The following CHD8 variants were observed in gnomAD, a reference collection of about 807,000 sequenced individuals.
CHD8 encodes the protein ATP-dependent chromatin remodeler CHD8.
A neutral mutation model predicts 279.2 loss-of-function variants in CHD8; 31 were observed. The ratio of observed to expected loss-of-function variants is 0.11; its 90% confidence interval spans 0.08 to 0.15. CHD8 has a LOEUF of 0.15. CHD8 is among the 10% of genes least tolerant of loss of function. The probability of loss-of-function intolerance (pLI) is 1.00; values close to 1 mark genes in which losing one functional copy is unlikely to be tolerated. For missense variants in CHD8, 2,146 were observed against 3,230.5 expected (o/e 0.66, Z 8.14); for synonymous variants, 1,081 against 1,139.6 (o/e 0.95, Z 1.04).
At chr14:21,433,436 C>T (rs1171218692) in intron 1 of CHD8, among the ~76,000 whole-genome samples, 1 of 152,156 alleles carries the variant, frequency 6.6e-6, no homozygotes, top group African/African-American at 2.4e-5. Context: ...TTTGACAATA[C>T]AGGAAAGTCT....
intron 5 of CHD8, chr14:21,419,923 C>A (rs1012533508): frequency 4.0e-6 from 1 of 249,412 alleles, no homozygotes; most frequent in Non-Finnish European, 8.5e-6. Context: ...GGTAAGTAGT[C>A]GGGCCGTGAG....
chr14:21,392,592 G>A lies in CHD8; in HGVS notation c.6686C>T (p.Ala2229Val). The change falls in exon 34 of 38, where the codon GCA becomes GTA. Residue 2229 changes from alanine to valine, a missense_variant. By Grantham distance (64) the Ala-to-Val change is moderately conservative. Transcript: ENST00000646647. ...SSAASMAEEE[A>V]SAVSTAAAQF... ...GGCTGCCGCTGTGCTGACTGCAGAT[G>A]CTTCCTCCTCTGCCATGGAAGCTGC... is the stretch of plus-strand genomic sequence containing the variant. The A allele has an allele frequency of 6.2e-7, 1 of 1,613,892 alleles. No individual in the cohort carries two copies. The highest frequency in any genetic ancestry group is 8.5e-7 in the Non-Finnish European group (1 of 1,179,890).
intron 5 of CHD8, 85 bp from the exon 6 acceptor site, chr14:21,415,992 TAGATTCTACTCC>T (rs1340377197): frequency 9.2e-7 from 1 of 1,092,660 alleles, no homozygotes; most frequent in Non-Finnish European, 1.3e-6. Context: ...GTCATATACT[TAGATTCTACTCC>T]AAAATTTTCA....
Position 21,426,205 on chromosome 14 carries a change from T to G in CHD8, c.1639A>C (p.Asn547His), listed in dbSNP as rs1215565288. Residue 547 changes from asparagine (N) to histidine (H), a missense_variant, in exon 5 of 38, where the codon AAT becomes CAT. Physicochemically the swap from Asn to His is moderately conservative, Grantham distance 68. This residue lies in a region of CHD8 where 123 missense variants were observed against 169.2 expected (regional missense o/e 0.73). Transcript: ENST00000646647. ...TPVVGKKRKR[N>H]TSSDNSDVEV... ...ACATCTGAATTATCAGATGAGGTATTACGTTTTCTCTTCTTACCCACTACA... is the reference window on the plus strand; with the variant it reads ...ACATCTGAATTATCAGATGAGGTATGACGTTTTCTCTTCTTACCCACTACA... 1 of 1,610,986 alleles carries G rather than the reference T, an allele frequency of 6.2e-7. No homozygotes were observed. The highest frequency in any genetic ancestry group is 8.5e-7 in the Non-Finnish European group (1 of 1,177,674).
At chr14:21,396,604 A>T (rs1887796622) in intron 27 of CHD8, 2 of 147,646 alleles carry the variant, frequency 1.4e-5, no homozygotes, top group Non-Finnish European at 1.5e-5. Context: ...TTTGAGATGG[A>T]GTCTTGTTCC....
chr14:21,426,036 G>A (rs1433043051), intron 5 of CHD8, 92 bp downstream of exon 5: 1 of 770,194 alleles, frequency 1.3e-6, no homozygotes, highest in Non-Finnish European at 2.2e-6. Context: ...AAAGAAATGT[G>A]TATAGACTTA....
At position 21,436,789 on chromosome 14, in the gene CHD8, T is replaced by C. The variant is rs1484794397; in HGVS notation, c.-215-4931A>G. ...TATTTTCAGGGGGTAAAGAAGAAACTAGAGAGATTCTGCACTCATGAAAAA... is the reference window on the plus strand; with the variant it reads ...TATTTTCAGGGGGTAAAGAAGAAACCAGAGAGATTCTGCACTCATGAAAAA... On this transcript the variant is annotated intron_variant, in intron 1 of 37. Coordinates refer to ENST00000646647, the MANE Select transcript of CHD8 (RefSeq NM_001170629.2). 1.2e-5 allele frequency: 5 copies of C among 404,582 alleles called. No homozygotes were observed. The East Asian group carries it at 3.7e-4, about 30-fold the overall frequency. 25.1% of individuals were successfully genotyped at this position (404,582 alleles called of 1,614,324 possible).
At chr14:21,414,765 G>C (rs1888643910) in intron 8 of CHD8, 173 bp downstream of exon 8, 10 of 657,990 alleles carry the variant, frequency 1.5e-5, no homozygotes, top group Non-Finnish European at 2.7e-5. Flanking sequence ...GAAATAATAA[G>C]AGTCATGTCA....
intron 26 of CHD8, 147 bp downstream of exon 26, chr14:21,399,455 C>A: frequency 1.6e-6 from 1 of 634,504 alleles, no homozygotes; most frequent in South Asian, 1.8e-5. Context: ...CTGCTCTGCT[C>A]TGGATATTTA....
intron 30 of CHD8, 113 bp downstream of exon 30, chr14:21,394,799 G>A: frequency 9.5e-6 from 11 of 1,161,624 alleles, no homozygotes; most frequent in Middle Eastern, 2.2e-4. Flanking sequence ...ACCCAAGGCA[G>A]AAAAGATGGT....
chr14:21,385,428 C>A lies in CHD8; in HGVS notation c.*185G>T. 1 of 978,512 alleles carries A rather than the reference C, an allele frequency of 1.0e-6. No homozygotes were observed. The highest frequency in any genetic ancestry group is 1.4e-6 in the Non-Finnish European group (1 of 690,712). 60.6% of individuals were successfully genotyped at this position (978,512 alleles called of 1,614,324 possible). On this transcript the variant is annotated 3_prime_UTR_variant, in exon 38 of 38. Coordinates refer to ENST00000646647, the MANE Select transcript of CHD8 (RefSeq NM_001170629.2). The stretch of plus-strand genomic sequence containing the variant: ...GGTCATGTATTATTTTAGGAGTTCC[C>A]CTGCCCACCCAATCCTCTCATAATT...
At chr14:21,425,991 A>C in intron 5 of CHD8, 137 bp downstream of exon 5, 1 of 606,390 alleles carries the variant, frequency 1.6e-6, no homozygotes, top group East Asian at 2.8e-5. Context: ...AGGTCCATCC[A>C]CCTTATTTAG....
intron 30 of CHD8, 102 bp downstream of exon 30, chr14:21,394,810 C>T: frequency 8.1e-7 from 1 of 1,239,374 alleles, no homozygotes; most frequent in Non-Finnish European, 1.1e-6. Context: ...AAAAGATGGT[C>T]CCTCTGTAGA....
At chr14:21,432,705 C>A (rs1889615358) in intron 1 of CHD8, among the ~76,000 whole-genome samples, 2 of 152,196 alleles carry the variant, frequency 1.3e-5, no homozygotes, top group Non-Finnish European at 2.9e-5. Flanking sequence ...AGCTAAAATC[C>A]TACCAACCCT....
chr14:21,427,917 T>C lies in CHD8; in HGVS notation c.1553A>G (p.Lys518Arg). 1 of 1,614,106 alleles carries C rather than the reference T, an allele frequency of 6.2e-7. No homozygotes were observed. The highest frequency in any genetic ancestry group is 8.5e-7 in the Non-Finnish European group (1 of 1,179,910). ...TTTGGAGGCACCAGATGTTTTACTC[T>C]TCTTTGGCTTCTCCTCTTTCAGCCT... ...GERLKEEKPK[K>R]SKTSGASKTK... Residue 518 changes from lysine (K) to arginine (R), a missense_variant, in exon 4 of 38, where the codon AAG becomes AGG. Physicochemically the swap from Lys to Arg is conservative, Grantham distance 26. This residue lies in a region of CHD8 where 123 missense variants were observed against 169.2 expected (regional missense o/e 0.73). Coordinates refer to ENST00000646647, the MANE Select transcript of CHD8 (RefSeq NM_001170629.2).
chr14:21,426,772 T>C (rs1373806623), intron 4 of CHD8: 1 of 152,256 alleles, frequency 6.6e-6, no homozygotes, highest in African/African-American at 2.4e-5. Flanking sequence ...ATACAGGACA[T>C]GGAAGGGAAA....
chr14:21,429,022 G>A lies in CHD8; in HGVS notation c.1157C>T (p.Pro386Leu). ...AAGTCTTTGTCCTGGGCTTTGTCCT[G>A]GTCCCATTATCTGAGCCTGCTGTAC... ...SSVQQAQIMG[P>L]GQSPGQRLSV... The change falls in exon 3 of 38, where the codon CCA (proline) becomes CTA (leucine). Residue 386 changes from proline to leucine, a missense_variant. Around this residue, in one of 26 missense-constraint regions of CHD8, gnomAD observed 170 missense variants for 189.9 expected, o/e 0.90. Transcript: ENST00000646647. 1 of 1,613,966 alleles carries A rather than the reference G, an allele frequency of 6.2e-7. No individual in the cohort carries two copies. The highest frequency in any genetic ancestry group is 8.5e-7 in the Non-Finnish European group (1 of 1,179,882).
At chr14:21,433,399 A>G (rs1566447899) in intron 1 of CHD8, among the ~76,000 whole-genome samples, 1 of 152,222 alleles carries the variant, frequency 6.6e-6, no homozygotes, top group Non-Finnish European at 1.5e-5. Context: ...AAAAAGAAAT[A>G]TCTGTTCTTT....
chr14:21,431,842 GGA>G lies in CHD8; in HGVS notation c.-201_-200del. The stretch of plus-strand genomic sequence containing the variant: ...GGAGCAAGATGGCTACGTCTTCAGA[GGA>G]AGATGGTGGAACTCCTGTTGTAGGA... On this transcript the variant is annotated 5_prime_UTR_variant, in exon 2 of 38. Coordinates refer to ENST00000646647, the MANE Select transcript of CHD8 (RefSeq NM_001170629.2). The G allele has an allele frequency of 1.2e-6, 2 of 1,610,742 alleles. No homozygotes were observed. The highest frequency in any genetic ancestry group is 1.7e-6 in the Non-Finnish European group (2 of 1,176,944).
Sources: allele counts gnomAD v4.1 joint callset (sites outside exome capture counted in the v4.1 genomes callset), GRCh38; gene constraint gnomAD v4.1.1; regional missense constraint gnomAD v4.1.1; transcripts MANE v1.5; gene names NCBI Gene and HGNC (gene_info 2026-07-23, HGNC 2026-07-21).